Variants in DYNC1H1 observed in about 807,000 individuals in gnomAD.
The protein encoded by DYNC1H1 is dynein cytoplasmic 1 heavy chain 1.
In DYNC1H1, 51 loss-of-function variants were observed where a neutral mutation model predicts 527.1. That is an observed-to-expected ratio of 0.10 (90% confidence interval 0.08 to 0.12). The LOEUF (loss-of-function observed/expected upper bound fraction) is 0.12. Among genes scored for constraint, DYNC1H1 ranks in the 10% least tolerant of loss-of-function variants. DYNC1H1 has a pLI of 1.00. For missense variants in DYNC1H1, 2,771 were observed against 5,971.8 expected (o/e 0.46, Z 17.66); for synonymous variants, 2,189 against 2,278.8 (o/e 0.96, Z 1.12).
In DYNC1H1 at chr14:101,964,956, C is replaced by A; in HGVS notation, c.256+9C>A. On this transcript the variant is annotated intron_variant, in intron 1 of 77. Coordinates refer to ENST00000360184, the MANE Select transcript of DYNC1H1 (RefSeq NM_001376.5). This position sits in a 1 kb window ranked among gnomAD's most constrained non-coding sequence, Gnocchi z 5.5. Reference sequence around the variant, plus strand: ...GCGCTCCACGCTCAAAGGTGCGGGGCCGCGGAGGGCAGGGTCGCCAGAGCC... The same window carrying A: ...GCGCTCCACGCTCAAAGGTGCGGGGACGCGGAGGGCAGGGTCGCCAGAGCC... 6.3e-7 allele frequency: 1 copy of A among 1,588,678 alleles called. No homozygotes were observed. Among genetic ancestry groups the A allele is most frequent in the Non-Finnish European group, 8.6e-7 (1 of 1,168,956 alleles).
rs1176470930 is a variant in DYNC1H1 at position 102,047,625 on chromosome 14, G to A, written c.13007-192G>A. ...CACATATATGTATATATACACGTGT[G>A]TGTGTGTGTGTGTGTGTATATATAT... On this transcript the variant is annotated intron_variant, in intron 72 of 77. Transcript: ENST00000360184. 1.8e-4 allele frequency: 70 copies of A among 384,918 alleles called. No homozygotes were observed. The African/African-American group carries it at 2.0e-3, about 11-fold the overall frequency. The allele number at this position is 384,918 out of a possible 1,614,324, so 23.8% of individuals were successfully genotyped here.
chr14:102,044,261 T>C lies in DYNC1H1; in HGVS notation c.12685-13T>C. ...TCTGACCACACACACGAACCCTGCT[T>C]TTCCTCCCCCAGGGCAGGCAGAACA... On this transcript the variant is annotated splice_polypyrimidine_tract_variant and intron_variant, in intron 70 of 77. Coordinates refer to ENST00000360184, the MANE Select transcript of DYNC1H1 (RefSeq NM_001376.5). This position sits in a 1 kb window ranked among gnomAD's most constrained non-coding sequence, Gnocchi z 7.1. 1 of 1,613,714 alleles carries C rather than the reference T, an allele frequency of 6.2e-7. No homozygotes were observed. Among genetic ancestry groups the C allele is most frequent in the Non-Finnish European group, 8.5e-7 (1 of 1,179,988 alleles).
chr14:102,015,808 C>T lies in DYNC1H1; in HGVS notation c.7243-48C>T, dbSNP rs751493957. ...GGACCAGGTTAGAATCGATGAAACTCGCCTGCCTTTTGAAAGATAGTTAAG... is the reference window on the plus strand; with the variant it reads ...GGACCAGGTTAGAATCGATGAAACTTGCCTGCCTTTTGAAAGATAGTTAAG... On this transcript the variant is annotated intron_variant, in intron 35 of 77. Coordinates refer to ENST00000360184, the MANE Select transcript of DYNC1H1 (RefSeq NM_001376.5). This position sits in a 1 kb window ranked among gnomAD's most constrained non-coding sequence, Gnocchi z 6.9. 7 of 1,599,524 alleles carry T rather than the reference C, an allele frequency of 4.4e-6. No individual in the cohort carries two copies. The highest frequency in any genetic ancestry group is 1.7e-5 in the Admixed American group (1 of 59,120).
At chr14:102,024,731 G>T (rs1349108598) in intron 43 of DYNC1H1, among the ~76,000 whole-genome samples, 1 of 117,214 alleles carries the variant, frequency 8.5e-6, no homozygotes, top group African/African-American at 3.4e-5. Context: ...GTCTCGCTCT[G>T]TCGCCCAGGC....
At position 101,986,944 on chromosome 14, in the gene DYNC1H1, T is replaced by G. The variant is rs2047944319; in HGVS notation, c.2538+181T>G. ...CGGGCTATTTAATGGTGCTGGGTTT[T>G]AGGGAGGCCATTAAGTAACAACCTG... On this transcript the variant is annotated intron_variant, in intron 8 of 77. Transcript: ENST00000360184. This position sits in a 1 kb window ranked among gnomAD's most constrained non-coding sequence, Gnocchi z 8.7. Among the ~76,000 whole-genome samples, 1 of 152,234 alleles carries G rather than the reference T, an allele frequency of 6.6e-6. No homozygotes were observed. The highest frequency in any genetic ancestry group is 2.1e-4 in the South Asian group (1 of 4,828).
At position 102,036,258 on chromosome 14, in the gene DYNC1H1, G is replaced by C; in HGVS notation, c.10755-231G>C. 3.9e-6 allele frequency: 2 copies of C among 515,040 alleles called. No individual in the cohort carries two copies. The highest frequency in any genetic ancestry group is 7.1e-6 in the Non-Finnish European group (2 of 281,896). 31.9% of individuals were successfully genotyped at this position (515,040 alleles called of 1,614,324 possible). A position where few individuals can be genotyped will look rare whatever the true frequency, so the allele number is the denominator to read the frequency against. The stretch of plus-strand genomic sequence containing the variant: ...AAGATTTTTAACTATGGCCCTCTTG[G>C]TGTATGACTCAAGCTACCTCCTCAT... On this transcript the variant is annotated intron_variant, in intron 56 of 77. Coordinates refer to ENST00000360184, the MANE Select transcript of DYNC1H1 (RefSeq NM_001376.5). This position sits in a 1 kb window ranked among gnomAD's most constrained non-coding sequence, Gnocchi z 5.6.
In DYNC1H1 at chr14:102,033,342, A is replaced by G. The variant is rs2152591781; in HGVS notation, c.10271A>G (p.Lys3424Arg). Residue 3424 changes from lysine (K) to arginine (R), a missense_variant, in exon 54 of 78, where the codon AAG (lysine) becomes AGG (arginine). Transcript: ENST00000360184. This position sits in a 1 kb window ranked among gnomAD's most constrained non-coding sequence, Gnocchi z 5.6. ...CTGCAGAAGCTGGAAGATGACGCCA[A>G]GGACAACCAGCAGAAGGCCAACGAG... ...NELQKLEDDA[K>R]DNQQKANEVE... 3.1e-6 allele frequency: 5 copies of G among 1,614,260 alleles called. No individual in the cohort carries two copies. Among genetic ancestry groups the G allele is most frequent in the Non-Finnish European group, 4.2e-6 (5 of 1,180,054 alleles).
chr14:102,021,084 T>TA (rs970051600), intron 42 of DYNC1H1, among the ~76,000 whole-genome samples: 16 of 151,402 alleles, frequency 1.1e-4, no homozygotes, highest in Admixed American at 4.0e-4. Context: ...CCTTTTCAAT[T>TA]AAAAAAAAAT....
Position 102,042,720 on chromosome 14 carries a change from G to A in DYNC1H1, c.12485G>A (p.Ser4162Asn). ...AAGGCCAACATGCTGAGGACGTTCA[G>A]CAGCATTCCCGTCTCACGGATATGC... ...GVKANMLRTF[S>N]SIPVSRICKS... The change falls in exon 69 of 78, where the codon AGC (serine) becomes AAC (asparagine). Residue 4162 changes from serine (S) to asparagine (N), a missense_variant. By Grantham distance (46) the Ser-to-Asn change is conservative. Around this residue, in one of 32 missense-constraint regions of DYNC1H1, gnomAD observed 195 missense variants for 428.6 expected, o/e 0.45. Coordinates refer to ENST00000360184, the MANE Select transcript of DYNC1H1 (RefSeq NM_001376.5). This position sits in a 1 kb window ranked among gnomAD's most constrained non-coding sequence, Gnocchi z 5.7. The A allele has an allele frequency of 6.2e-7, 1 of 1,614,204 alleles. No homozygotes were observed. The highest frequency in any genetic ancestry group is 8.5e-7 in the Non-Finnish European group (1 of 1,180,042).
chr14:102,001,832 C>T lies in DYNC1H1; in HGVS notation c.4542+151C>T, dbSNP rs2048134090. The T allele has an allele frequency of 2.7e-6, 3 of 1,117,974 alleles. No individual in the cohort carries two copies. The Admixed American group carries it at 6.3e-5, about 23-fold the overall frequency. The allele number at this position is 1,117,974 out of a possible 1,614,324, so 69.3% of individuals were successfully genotyped here. On this transcript the variant is annotated intron_variant, in intron 21 of 77. Transcript: ENST00000360184. The surrounding 1 kb of genome is among the most constrained non-coding windows in gnomAD (Gnocchi z 5.0). ...TGTCTCCCACGCTGGAGTGCAGTGG[C>T]ACCATCACAGCTCACTGCTGCAGCC... is the stretch of plus-strand genomic sequence containing the variant.
At position 102,040,307 on chromosome 14, in the gene DYNC1H1, C is replaced by A. The variant is rs767259550; in HGVS notation, c.11762C>A (p.Thr3921Asn). ...GAGATTGTCCTGAGTGCTGGCTCCA[C>A]CCCCAGGATCCAGGGCCTGACTGTG... is the stretch of plus-strand genomic sequence containing the variant. ...GNEIVLSAGS[T>N]PRIQGLTVEQ... The change falls in exon 63 of 78, where the codon ACC becomes AAC. Residue 3921 changes from threonine to asparagine, a missense_variant. By Grantham distance (65) the Thr-to-Asn change is moderately conservative. Transcript: ENST00000360184. 2 of 1,614,200 alleles carry A rather than the reference C, an allele frequency of 1.2e-6. No homozygotes were observed. The highest frequency in any genetic ancestry group is 3.3e-5 in the Admixed American group (2 of 60,018).
rs573668809 is a variant in DYNC1H1 at position 102,049,599 on chromosome 14, C to T, written c.13515+17C>T. ...GAGCTAAAGGTGAAGGCGCTCCTGA[C>T]GAGTCTCGGGTGGTCAGCAGCTGTC... is the stretch of plus-strand genomic sequence containing the variant. On this transcript the variant is annotated intron_variant, in intron 75 of 77. Coordinates refer to ENST00000360184, the MANE Select transcript of DYNC1H1 (RefSeq NM_001376.5). This position sits in a 1 kb window ranked among gnomAD's most constrained non-coding sequence, Gnocchi z 5.5. The T allele has an allele frequency of 9.9e-6, 16 of 1,613,608 alleles. No homozygotes were observed. The highest frequency in any genetic ancestry group is 1.7e-5 in the Admixed American group (1 of 59,996).
In DYNC1H1 at chr14:102,041,570, T is replaced by G; in HGVS notation, c.11942-4T>G. 6.2e-7 allele frequency: 1 copy of G among 1,614,008 alleles called. No individual in the cohort carries two copies. Among genetic ancestry groups the G allele is most frequent in the Non-Finnish European group, 8.5e-7 (1 of 1,180,030 alleles). ...CAGCACCCACCCCTCTGTACCTGTTTCAGCACCCATTGGCCAGGCCATCCA... is the reference window on the plus strand; with the variant it reads ...CAGCACCCACCCCTCTGTACCTGTTGCAGCACCCATTGGCCAGGCCATCCA... On this transcript the variant is annotated splice_region_variant and splice_polypyrimidine_tract_variant and intron_variant, in intron 64 of 77. Coordinates refer to ENST00000360184, the MANE Select transcript of DYNC1H1 (RefSeq NM_001376.5). This position sits in a 1 kb window ranked among gnomAD's most constrained non-coding sequence, Gnocchi z 4.5.
chr14:102,048,057 G>A, intron 73 of DYNC1H1, 29 bp downstream of exon 73: 2 of 1,593,432 alleles, frequency 1.3e-6, no homozygotes, highest in East Asian at 2.3e-5. Context: ...GGCCGGCCAG[G>A]TCTCAAGGTC....
At chr14:101,974,752 C>G (rs1424129330) in intron 1 of DYNC1H1, among the ~76,000 whole-genome samples, 1 of 152,162 alleles carries the variant, frequency 6.6e-6, no homozygotes, top group Non-Finnish European at 1.5e-5. Context: ...CCAGACTAGT[C>G]TCATACTCCT....
chr14:102,011,065 G>C lies in DYNC1H1; in HGVS notation c.6618+113G>C. 8.9e-7 allele frequency: 1 copy of C among 1,119,814 alleles called. No homozygotes were observed. The allele number at this position is 1,119,814 out of a possible 1,614,324, so 69.4% of individuals were successfully genotyped here. ...AACTGTCCACAAAGGCTGTGGAGGT[G>C]CATAATATGCTTTATGAAGATTTGC... On this transcript the variant is annotated intron_variant, in intron 32 of 77. Transcript: ENST00000360184. This position sits in a 1 kb window ranked among gnomAD's most constrained non-coding sequence, Gnocchi z 5.3.
At position 101,991,049 on chromosome 14, in the gene DYNC1H1, G is replaced by A. The variant is rs550551854; in HGVS notation, c.2869-478G>A. ...AATACAAAAATTAACTGGGCATGAT[G>A]GTGCACGCCTGTGGTCCCGGCTACT... On this transcript the variant is annotated intron_variant, in intron 10 of 77. Coordinates refer to ENST00000360184, the MANE Select transcript of DYNC1H1 (RefSeq NM_001376.5). 5.3e-5 allele frequency among the ~76,000 whole-genome samples: 8 copies of A among 151,938 alleles called. No homozygotes were observed. The South Asian group carries it at 1.5e-3, about 28-fold the overall frequency.
In DYNC1H1 at chr14:102,044,079, C is replaced by T. The variant is rs369404226; in HGVS notation, c.12684+34C>T. ...GGGCCATGCCAGGACAGACAGTGGA[C>T]GTGTATCTGGGAAGGATGCTGCAGG... On this transcript the variant is annotated intron_variant, in intron 70 of 77. Coordinates refer to ENST00000360184, the MANE Select transcript of DYNC1H1 (RefSeq NM_001376.5). The surrounding 1 kb of genome is among the most constrained non-coding windows in gnomAD (Gnocchi z 7.1). 245 of 1,611,380 alleles carry T rather than the reference C, an allele frequency of 1.5e-4. No homozygotes were observed. The highest frequency in any genetic ancestry group is 1.8e-4 in the Non-Finnish European group (213 of 1,179,806).
chr14:101,985,857 A>G lies in DYNC1H1; in HGVS notation c.1632A>G (p.Glu544=). Residue 544 remains glutamate, a synonymous_variant, in exon 8 of 78, where the codon GAA becomes GAG. Transcript: ENST00000360184. The surrounding 1 kb of genome is among the most constrained non-coding windows in gnomAD (Gnocchi z 5.9). ...DGLDVSKEGT[E]AWEAAMKRYD... ...TGGATGTTTCCAAAGAGGGCACGGAAGCCTGGGAGGCTGCTATGAAGAGGT... is the reference window on the plus strand; with the variant it reads ...TGGATGTTTCCAAAGAGGGCACGGAGGCCTGGGAGGCTGCTATGAAGAGGT... 6.2e-7 allele frequency: 1 copy of G among 1,614,218 alleles called. No individual in the cohort carries two copies. Among genetic ancestry groups the G allele is most frequent in the Non-Finnish European group, 8.5e-7 (1 of 1,180,042 alleles).
Sources: gnomAD v4.1 joint callset for allele counts (sites outside exome capture counted in the v4.1 genomes callset) on GRCh38, gnomAD v4.1.1 for gene constraint, gnomAD v4.1.1 regional missense constraint, Gnocchi (gnomAD v3.1) non-coding constraint, MANE v1.5 for transcripts, NCBI Gene and HGNC (gene_info 2026-07-23, HGNC 2026-07-21) for gene names.